The following ZNF426 variants were observed in gnomAD, a reference collection of about 807,000 sequenced individuals.
ZNF426 encodes the protein zinc finger protein 426.
Under a neutral mutation model 24.0 loss-of-function variants are expected in ZNF426, and 23 were observed. The observed-to-expected ratio is 0.96, with a 90% CI of 0.69 to 1.36. ZNF426 has a LOEUF of 1.36. Among genes scored for constraint, ZNF426 ranks in the 40% most tolerant of loss-of-function variants. ZNF426 has a pLI of 0.00. For missense variants in ZNF426, 646 were observed against 658.4 expected (o/e 0.98, Z 0.21); for synonymous variants, 272 against 224.6 (o/e 1.21, Z -1.89).
At chr19:9,537,379 A>C (rs2073982494) in intron 2 of ZNF426, among the ~76,000 whole-genome samples, 1 of 152,014 alleles carries the variant, frequency 6.6e-6, no homozygotes. Flanking sequence ...CAGGGGTCTC[A>C]AACTAGGGGT....
At chr19:9,533,014 G>T in intron 5 of ZNF426, 89 bp from the exon 6 acceptor site, 1 of 1,129,196 alleles carries the variant, frequency 8.9e-7, no homozygotes, top group Non-Finnish European at 1.3e-6. Flanking sequence ...TCTAATGAAA[G>T]TGGTGAAGCT....
intron 5 of ZNF426, 30 bp from the exon 6 acceptor site, chr19:9,532,955 A>T: frequency 6.5e-7 from 1 of 1,548,862 alleles, no homozygotes; most frequent in Non-Finnish European, 8.9e-7. Flanking sequence ...TTAATGGAAG[A>T]GGCTCATAAA....
intron 3 of ZNF426, 29 bp downstream of exon 3, chr19:9,536,179 G>A (rs762716001): frequency 6.8e-6 from 11 of 1,613,946 alleles, no homozygotes; most frequent in Non-Finnish European, 9.3e-6. Flanking sequence ...CCTAGAACAG[G>A]ATATCCTAAA....
At chr19:9,532,278 C>CTTTCT (rs2073897063) in intron 6 of ZNF426, among the ~76,000 whole-genome samples, 1 of 117,454 alleles carries the variant, frequency 8.5e-6, no homozygotes, top group African/African-American at 3.4e-5. Context: ...TTCTTTTTTT[C>CTTTCT]TTTTTTTTTT....
At chr19:9,531,849 G>A (rs2073889400) in intron 6 of ZNF426, among the ~76,000 whole-genome samples, 1 of 152,144 alleles carries the variant, frequency 6.6e-6, no homozygotes, top group Non-Finnish European at 1.5e-5. Flanking sequence ...GCCAGGCATG[G>A]TGGCAGGCAC....
Position 9,526,835 on chromosome 19 carries a change from A to T in ZNF426, c.*1545T>A, listed in dbSNP as rs2073797280. On this transcript the variant is annotated 3_prime_UTR_variant, in exon 8 of 8. Coordinates refer to ENST00000253115, the MANE Select transcript of ZNF426 (RefSeq NM_024106.3). The stretch of plus-strand genomic sequence containing the variant: ...AACAAAAAATTTTCATAGAAGCCAG[A>T]GGGGGGGAAATGCTTTAAGTATTGA... 1 of 152,050 alleles carries T rather than the reference A, an allele frequency of 6.6e-6. No individual in the cohort carries two copies. Among genetic ancestry groups the T allele is most frequent in the Admixed American group, 6.6e-5 (1 of 15,240 alleles). The allele number at this position is 152,050 out of a possible 1,614,324, so 9.4% of individuals were successfully genotyped here.
chr19:9,529,816 T>C (rs925470257), intron 7 of ZNF426, among the ~76,000 whole-genome samples, 180 bp from the exon 8 acceptor site: 1 of 152,138 alleles, frequency 6.6e-6, no homozygotes, highest in Non-Finnish European at 1.5e-5. Flanking sequence ...TTCTAGAATG[T>C]TGTGCCATCT....
At position 9,524,285 on chromosome 19, in the gene ZNF426, A is replaced by T. The variant is rs2073769998; in HGVS notation, c.*4095T>A. The T allele has an allele frequency of 1.3e-5, 2 of 152,230 alleles. No individual in the cohort carries two copies. The allele number at this position is 152,230 out of a possible 1,614,324, so 9.4% of individuals were successfully genotyped here. On this transcript the variant is annotated 3_prime_UTR_variant, in exon 8 of 8. Coordinates refer to ENST00000253115, the MANE Select transcript of ZNF426 (RefSeq NM_024106.3). The stretch of plus-strand genomic sequence containing the variant: ...TTCCATTTACATAGGGTTTCCTGCC[A>T]CTGTGAATTCTTACAAGTTCATTAT...
chr19:9,528,262 A>T lies in ZNF426; in HGVS notation c.*118T>A. The T allele has an allele frequency of 2.7e-6, 3 of 1,099,412 alleles. No homozygotes were observed. The highest frequency in any genetic ancestry group is 1.7e-5 in the South Asian group (1 of 60,386). The allele number at this position is 1,099,412 out of a possible 1,614,324, so 68.1% of individuals were successfully genotyped here. ...CTCAGCCTCTCAAAATGCTGGGATT[A>T]CAGGAATTAAGTAATTTTCATGCAG... On this transcript the variant is annotated 3_prime_UTR_variant, in exon 8 of 8. Coordinates refer to ENST00000253115, the MANE Select transcript of ZNF426 (RefSeq NM_024106.3).
chr19:9,537,280 T>C (rs2073981066), intron 2 of ZNF426, among the ~76,000 whole-genome samples: 1 of 151,852 alleles, frequency 6.6e-6, no homozygotes, highest in Admixed American at 6.6e-5. Flanking sequence ...TCACAAAAAC[T>C]CTATAGGCCT....
Position 9,532,862 on chromosome 19 carries a change from T to C in ZNF426, c.308A>G (p.Gln103Arg), listed in dbSNP as rs35803355. 33 of 1,613,996 alleles carry C rather than the reference T, an allele frequency of 2.0e-5. No individual in the cohort carries two copies. In the African/African-American group the frequency reaches 3.5e-4, roughly 17 times the overall value. Residue 103 changes from glutamine (Q) to arginine (R), a missense_variant, in exon 6 of 8, where the codon CAG (glutamine) becomes CGG (arginine). Transcript: ENST00000253115. The part of the protein sequence containing the change: ...WLEQEESRTV[Q>R]GGVLQGWEMR... ...ACACTCACCTTGGAGAACTCCTCCCTGAACTGTCCTTGACTCTTCTTGTTC... is the reference window on the plus strand; with the variant it reads ...ACACTCACCTTGGAGAACTCCTCCCCGAACTGTCCTTGACTCTTCTTGTTC...
At chr19:9,536,178 G>A in intron 3 of ZNF426, 30 bp downstream of exon 3, 1 of 1,614,086 alleles carries the variant, frequency 6.2e-7, no homozygotes, top group Non-Finnish European at 8.5e-7. Context: ...ACCTAGAACA[G>A]GATATCCTAA....
chr19:9,534,945 G>A (rs1390314063), intron 4 of ZNF426, among the ~76,000 whole-genome samples: 2 of 151,958 alleles, frequency 1.3e-5, no homozygotes, highest in Non-Finnish European at 2.9e-5. Context: ...CCCAACCCTT[G>A]GGGAAATTCA....
chr19:9,535,428 C>A, intron 3 of ZNF426, 149 bp from the exon 4 acceptor site: 1 of 569,368 alleles, frequency 1.8e-6, no homozygotes. Flanking sequence ...TGGCTCACAT[C>A]TGTAATCCTA....
rs532309847 is a variant in ZNF426 at position 9,524,287 on chromosome 19, T to C, written c.*4093A>G. 1 of 152,356 alleles carries C rather than the reference T, an allele frequency of 6.6e-6. No individual in the cohort carries two copies. Among genetic ancestry groups the C allele is most frequent in the Admixed American group, 6.5e-5 (1 of 15,298 alleles). 9.4% of individuals were successfully genotyped at this position (152,356 alleles called of 1,614,324 possible). A position where few individuals can be genotyped will look rare whatever the true frequency, so the allele number is the denominator to read the frequency against. On this transcript the variant is annotated 3_prime_UTR_variant, in exon 8 of 8. Transcript: ENST00000253115. ...CCATTTACATAGGGTTTCCTGCCAC[T>C]GTGAATTCTTACAAGTTCATTATGA...
At position 9,528,769 on chromosome 19, in the gene ZNF426, C is replaced by G. The variant is rs1200261493; in HGVS notation, c.1276G>C (p.Gly426Arg). The stretch of plus-strand genomic sequence containing the variant: ...CATGAGGGATACCCAAATACTTTCC[C>G]ACATATCTTACACTCACAGGCCTTC... ...EEKACECKIC[G>R]KVFGYPSCLN... Residue 426 changes from glycine to arginine, a missense_variant, in exon 8 of 8, where the codon GGG becomes CGG. Physicochemically the swap from Gly to Arg is moderately radical, Grantham distance 125 (BLOSUM62 -2). Transcript: ENST00000253115. 3 of 1,614,084 alleles carry G rather than the reference C, an allele frequency of 1.9e-6. No individual in the cohort carries two copies. In the South Asian group the frequency reaches 3.3e-5, roughly 18 times the overall value.
Position 9,528,269 on chromosome 19 carries a change from TTAAG to T in ZNF426, c.*107_*110del. On this transcript the variant is annotated 3_prime_UTR_variant, in exon 8 of 8. Transcript: ENST00000253115. ...TCTCAAAATGCTGGGATTACAGGAA[TTAAG>T]TAATTTTCATGCAGCTTCTTCTCTC... 2 of 1,158,304 alleles carry T rather than the reference TTAAG, an allele frequency of 1.7e-6. No homozygotes were observed. Among genetic ancestry groups the T allele is most frequent in the Non-Finnish European group, 2.4e-6 (2 of 831,706 alleles). The allele number at this position is 1,158,304 out of a possible 1,614,324, so 71.8% of individuals were successfully genotyped here.
In ZNF426 at chr19:9,528,802, T is replaced by C. The variant is rs1302055101; in HGVS notation, c.1243A>G (p.Thr415Ala). Residue 415 changes from threonine (T) to alanine (A), a missense_variant, in exon 8 of 8, where the codon ACT becomes GCT. Transcript: ENST00000253115. The stretch of plus-strand genomic sequence containing the variant: ...TTACACTCACAGGCCTTCTCTTCAG[T>C]GTGAGTTCTCAAATGTCCACTAAGA... ...SNLSGHLRTH[T>A]EEKACECKIC... The C allele has an allele frequency of 6.2e-7, 1 of 1,614,190 alleles. No homozygotes were observed. Among genetic ancestry groups the C allele is most frequent in the East Asian group, 2.2e-5 (1 of 44,872 alleles).
In ZNF426 at chr19:9,528,454, G is replaced by A; in HGVS notation, c.1591C>T (p.Pro531Ser). Residue 531 changes from proline to serine, a missense_variant, in exon 8 of 8, where the codon CCC (proline) becomes TCC (serine). By Grantham distance (74) the Pro-to-Ser change is moderately conservative (BLOSUM62 -1). Coordinates refer to ENST00000253115, the MANE Select transcript of ZNF426 (RefSeq NM_024106.3). ...TTCCCGCATTGCTGACATTTATAGG[G>A]TTTCTCTTCTGTGTGAGTTTTTTCA... The part of the protein sequence containing the change: ...IHEKTHTEEK[P>S]YKCQQCGKAY... 6.2e-7 allele frequency: 1 copy of A among 1,613,940 alleles called. No individual in the cohort carries two copies. The highest frequency in any genetic ancestry group is 8.5e-7 in the Non-Finnish European group (1 of 1,179,950).
Sources: gnomAD v4.1 joint callset for allele counts (sites outside exome capture counted in the v4.1 genomes callset) on GRCh38, gnomAD v4.1.1 for gene constraint, MANE v1.5 for transcripts, NCBI Gene and HGNC (gene_info 2026-07-23, HGNC 2026-07-21) for gene names.